CAMKMT: variants seen among roughly 807,000 people sequenced by gnomAD.
CAMKMT encodes the protein CaM KMT.
In CAMKMT, 53 loss-of-function variants were observed where a neutral mutation model predicts 48.0. The observed-to-expected ratio is 1.10, with a 90% CI of 0.89 to 1.39. The LOEUF is 1.39. Ranked by LOEUF, CAMKMT falls within the 40% of genes most tolerant of loss-of-function variation. CAMKMT has a pLI of 0.00. For missense variants in CAMKMT, 428 were observed against 402.7 expected (o/e 1.06, Z -0.54); for synonymous variants, 165 against 152.3 (o/e 1.08, Z -0.61).
chr2:44,492,935 C>A (rs1669579819), intron 3 of CAMKMT, among the ~76,000 whole-genome samples: 1 of 151,034 alleles, frequency 6.6e-6, no homozygotes, highest in African/African-American at 2.4e-5. Context: ...GCCCTGTCGC[C>A]CAGGCTAGAG....
chr2:44,438,160 A>T (rs953850125), intron 3 of CAMKMT, among the ~76,000 whole-genome samples: 12 of 152,170 alleles, frequency 7.9e-5, no homozygotes, highest in African/African-American at 2.9e-4. Context: ...AGCTAGTAAA[A>T]TGGGGAGCTG....
intron 3 of CAMKMT, among the ~76,000 whole-genome samples, chr2:44,699,267 A>T (rs935434435): frequency 6.6e-6 from 1 of 152,194 alleles, no homozygotes; most frequent in Admixed American, 6.5e-5. Flanking sequence ...TGGCAGCTAT[A>T]TCCTTATGAA....
chr2:44,478,424 A>G (rs1558645920), intron 3 of CAMKMT, among the ~76,000 whole-genome samples: 2 of 152,166 alleles, frequency 1.3e-5, no homozygotes, highest in African/African-American at 2.4e-5. Context: ...TTTTCATAGT[A>G]TGAGTGCTAC....
chr2:44,500,716 C>A (rs910573847), intron 3 of CAMKMT, among the ~76,000 whole-genome samples: 1 of 143,500 alleles, frequency 7.0e-6, no homozygotes, highest in East Asian at 2.0e-4. Context: ...GAGTCTTGCT[C>A]TGTTGCCCAG....
At chr2:44,750,162 C>G (rs1249545683) in intron 8 of CAMKMT, among the ~76,000 whole-genome samples, 2 of 150,154 alleles carry the variant, frequency 1.3e-5, no homozygotes, top group East Asian at 3.9e-4. Flanking sequence ...TTTTTTCTCT[C>G]TCTCTCAAGA....
At chr2:44,585,876 G>C (rs1391507989) in intron 3 of CAMKMT, among the ~76,000 whole-genome samples, 1 of 152,200 alleles carries the variant, frequency 6.6e-6, no homozygotes, top group African/African-American at 2.4e-5. Flanking sequence ...ATTTTAGAGT[G>C]TGTAAAGGGG....
intron 3 of CAMKMT, among the ~76,000 whole-genome samples, chr2:44,695,447 G>A (rs1270663087): frequency 6.6e-6 from 1 of 152,134 alleles, no homozygotes; most frequent in Non-Finnish European, 1.5e-5. Flanking sequence ...ATGAGTGAAT[G>A]AAACCCCACC....
chr2:44,632,424 G>A (rs532746371), intron 3 of CAMKMT, among the ~76,000 whole-genome samples: 26 of 151,950 alleles, frequency 1.7e-4, no homozygotes, highest in South Asian at 4.2e-4. Flanking sequence ...AAATTTCATC[G>A]TATGTATTTG....
chr2:44,575,017 A>G (rs992388625), intron 3 of CAMKMT, among the ~76,000 whole-genome samples: 2 of 151,724 alleles, frequency 1.3e-5, no homozygotes, highest in Non-Finnish European at 2.9e-5. Context: ...TAGCCTCCCA[A>G]AGTGCTGGGA....
At chr2:44,707,794 A>G (rs1677645237) in intron 6 of CAMKMT, among the ~76,000 whole-genome samples, 1 of 152,146 alleles carries the variant, frequency 6.6e-6, no homozygotes. Flanking sequence ...AAAACAAATT[A>G]TTTGGTATTT....
intron 3 of CAMKMT, among the ~76,000 whole-genome samples, chr2:44,569,229 T>G (rs1668778320): frequency 6.6e-6 from 1 of 152,156 alleles, no homozygotes; most frequent in Non-Finnish European, 1.5e-5. Flanking sequence ...AAATAAATGT[T>G]TTTCATTTTC....
chr2:44,652,624 C>G lies in CAMKMT; in HGVS notation c.377-51659C>G, dbSNP rs113274660. Among the ~76,000 whole-genome samples the G allele has an allele frequency of 2.0e-3, 309 of 152,318 alleles. 1 individual carries two copies. The Middle Eastern group carries it at 0.024, about 12-fold the overall frequency. On this transcript the variant is annotated intron_variant, in intron 3 of 10. Transcript: ENST00000378494. The stretch of plus-strand genomic sequence containing the variant: ...CACTGCCTCCCCCTCTCCAAAGTAA[C>G]AAGCGCATGCACACACGTGCGTACA...
chr2:44,673,944 C>T (rs192508534), intron 3 of CAMKMT, among the ~76,000 whole-genome samples: 16 of 152,242 alleles, frequency 1.1e-4, no homozygotes, highest in African/African-American at 3.4e-4. Flanking sequence ...CCAGTTTAGC[C>T]CAGTAACTGC....
At chr2:44,640,632 A>C (rs770325365) in intron 3 of CAMKMT, among the ~76,000 whole-genome samples, 1 of 152,174 alleles carries the variant, frequency 6.6e-6, no homozygotes, top group Non-Finnish European at 1.5e-5. Flanking sequence ...TTGGTAGTAA[A>C]AATTAGTTGC....
At chr2:44,389,927 G>C (rs1681158185) in intron 2 of CAMKMT, among the ~76,000 whole-genome samples, 1 of 152,144 alleles carries the variant, frequency 6.6e-6, no homozygotes, top group African/African-American at 2.4e-5. Flanking sequence ...TAAGTATACT[G>C]TGTGGGTTTT....
chr2:44,737,678 T>C (rs1462612369), intron 7 of CAMKMT, among the ~76,000 whole-genome samples: 1 of 152,072 alleles, frequency 6.6e-6, no homozygotes, highest in African/African-American at 2.4e-5. Flanking sequence ...TTTTCTCACA[T>C]ACATGCATGA....
chr2:44,500,364 A>G (rs1049986454), intron 3 of CAMKMT, among the ~76,000 whole-genome samples: 1 of 152,218 alleles, frequency 6.6e-6, no homozygotes, highest in Non-Finnish European at 1.5e-5. Context: ...AGTATGAACT[A>G]TCAGACTTCA....
chr2:44,585,532 A>G (rs1299919055), intron 3 of CAMKMT, among the ~76,000 whole-genome samples: 1 of 152,198 alleles, frequency 6.6e-6, no homozygotes. Context: ...TACATATCCA[A>G]ATGCTGGAGT....
Position 44,695,478 on chromosome 2 carries a change from A to T in CAMKMT, c.377-8805A>T, listed in dbSNP as rs565169786. On this transcript the variant is annotated intron_variant, in intron 3 of 10. Coordinates refer to ENST00000378494, the MANE Select transcript of CAMKMT (RefSeq NM_024766.5). ...CCACCATTCTGAGCTTAAAGCATTG[A>T]TGCTAAAATGTACTCTGGAAGAGAT... Among the ~76,000 whole-genome samples, 12 of 152,310 alleles carry T rather than the reference A, an allele frequency of 7.9e-5. No individual in the cohort carries two copies. In the South Asian group the frequency reaches 2.3e-3, roughly 29 times the overall value.
Sources: allele counts gnomAD v4.1 joint callset (sites outside exome capture counted in the v4.1 genomes callset), GRCh38; gene constraint gnomAD v4.1.1; transcripts MANE v1.5; gene names NCBI Gene and HGNC (gene_info 2026-07-23, HGNC 2026-07-21).